The following GPR75 variants were observed in gnomAD, a reference collection of about 807,000 sequenced individuals.
GPR75 encodes probable G protein-coupled receptor 75.
A neutral mutation model predicts 26.0 loss-of-function variants in GPR75; 27 were observed. The ratio of observed to expected loss-of-function variants is 1.04; its 90% CI spans 0.77 to 1.43. The LOEUF is 1.43. Among genes scored for constraint, GPR75 ranks in the 40% most tolerant of loss-of-function variants. GPR75 has a pLI of 0.00. For synonymous variants in GPR75, 285 were observed against 256.3 expected (o/e 1.11, Z -1.07); for missense variants, 699 against 662.3 (o/e 1.06, Z -0.61).
intron 1 of GPR75, among the ~76,000 whole-genome samples, chr2:53,857,208 C>G (rs1678254872): frequency 6.6e-6 from 1 of 151,346 alleles, no homozygotes; most frequent in Admixed American, 6.6e-5. Flanking sequence ...ACCTCATGAT[C>G]CACCCGCCTC....
Position 53,853,291 on chromosome 2 carries a change from C to T in GPR75, c.1466G>A (p.Ser489Asn). 6.2e-7 allele frequency: 1 copy of T among 1,614,176 alleles called. No homozygotes were observed. The highest frequency in any genetic ancestry group is 1.7e-5 in the Admixed American group (1 of 60,026). ...TGGGCTGCTCTCCTCCTGGGAAGGG[C>T]TGCTGTTATAGATGCTGTAGTAAGG... ...IEPYYSIYNSSPSQEESSPCN... is the reference protein window; with the variant it reads ...IEPYYSIYNSNPSQEESSPCN... The change falls in exon 2 of 2, where the codon AGC becomes AAC. Residue 489 changes from serine (S) to asparagine (N), a missense_variant. Transcript: ENST00000394705.
chr2:53,853,725 C>T lies in GPR75; in HGVS notation c.1032G>A (p.Val344=). 1 of 1,613,940 alleles carries T rather than the reference C, an allele frequency of 6.2e-7. No individual in the cohort carries two copies. The highest frequency in any genetic ancestry group is 8.5e-7 in the Non-Finnish European group (1 of 1,179,858). The change falls in exon 2 of 2, where the codon GTG becomes GTA. Residue 344 remains valine, a synonymous_variant. Coordinates refer to ENST00000394705, the MANE Select transcript of GPR75 (RefSeq NM_006794.4). The part of the protein sequence containing the change: ...CLPLGISLVQ[V]VLSSNGSFIL... The stretch of plus-strand genomic sequence containing the variant: ...TGAAGCTCCCATTGCTGGAGAGAAC[C>T]ACCTGTACCAAGGAAATCCCCAGTG...
chr2:53,853,807 G>A lies in GPR75; in HGVS notation c.950C>T (p.Ser317Phe), dbSNP rs764930732. 12 of 1,614,092 alleles carry A rather than the reference G, an allele frequency of 7.4e-6. No homozygotes were observed. The highest frequency in any genetic ancestry group is 2.7e-5 in the African/African-American group (2 of 74,942). The change falls in exon 2 of 2, where the codon TCC becomes TTC. Residue 317 changes from serine (S) to phenylalanine (F), a missense_variant. Physicochemically the swap from Ser to Phe is radical, Grantham distance 155. Coordinates refer to ENST00000394705, the MANE Select transcript of GPR75 (RefSeq NM_006794.4). ...SAINLSTAKD[S>F]KAVVTCVIIV... Reference sequence around the variant, plus strand: ...GATCACACAGGTGACCACGGCTTTGGAATCCTTGGCAGTGGAGAGGTTGAT... The same window carrying A: ...GATCACACAGGTGACCACGGCTTTGAAATCCTTGGCAGTGGAGAGGTTGAT...
In GPR75 at chr2:53,853,986, C is replaced by A. The variant is rs979900676; in HGVS notation, c.771G>T (p.Val257=). The A allele has an allele frequency of 1.9e-6, 3 of 1,614,012 alleles. No individual in the cohort carries two copies. The highest frequency in any genetic ancestry group is 2.5e-6 in the Non-Finnish European group (3 of 1,180,000). ...ACTGGATGGGATCTCCACCTCCCTG[C>A]ACAGGGACCCCCATGAAAGGCTGTG... ...SRPQPFMGVP[V]QGGGDPIQCA... The change falls in exon 2 of 2, where the codon GTG becomes GTT. Residue 257 remains valine (V), a synonymous_variant. Transcript: ENST00000394705.
rs758397852 is a variant in GPR75, at chr2:53,854,762, G to A, written c.-6C>T. ...AGGTGGCCTGTTGAGTTCATTTTCG[G>A]AGAGAAATGTCTCCTTCTTCTGCTC... is the stretch of plus-strand genomic sequence containing the variant. On this transcript the variant is annotated 5_prime_UTR_variant, in exon 2 of 2. Coordinates refer to ENST00000394705, the MANE Select transcript of GPR75 (RefSeq NM_006794.4). 1 of 1,606,460 alleles carries A rather than the reference G, an allele frequency of 6.2e-7. No homozygotes were observed. The highest frequency in any genetic ancestry group is 8.5e-7 in the Non-Finnish European group (1 of 1,175,052).
rs1678167765 is a variant in GPR75 at position 53,854,262 on chromosome 2, G to A, written c.495C>T (p.Thr165=). Residue 165 remains threonine (T), a synonymous_variant, in exon 2 of 2, where the codon ACC becomes ACT. Transcript: ENST00000394705. The part of the protein sequence containing the change: ...TASFPCTVLL[T]LLLWATSFTL... Reference sequence around the variant, plus strand: ...TGAAACTGGTGGCCCAGAGAAGCAGGGTGAGGAGTACGGTGCAGGGAAAGG... The same window carrying A: ...TGAAACTGGTGGCCCAGAGAAGCAGAGTGAGGAGTACGGTGCAGGGAAAGG... The A allele has an allele frequency of 5.0e-6, 8 of 1,614,120 alleles. No homozygotes were observed. Among genetic ancestry groups the A allele is most frequent in the Non-Finnish European group, 5.1e-6 (6 of 1,180,034 alleles).
In GPR75 at chr2:53,853,391, C is replaced by T. The variant is rs1678140684; in HGVS notation, c.1366G>A (p.Val456Met). The T allele has an allele frequency of 1.2e-6, 2 of 1,614,034 alleles. No homozygotes were observed. The highest frequency in any genetic ancestry group is 2.2e-5 in the South Asian group (2 of 91,088). ...TGTCCAGCAGAGATCTTGGGACTCA[C>T]CATACTTTCTTTTGAATGACTTGGG... Reference protein sequence around the residue: ...CGPSHSKESMVSPKISAGHQH... With the variant: ...CGPSHSKESMMSPKISAGHQH... The change falls in exon 2 of 2, where the codon GTG becomes ATG. Residue 456 changes from valine (V) to methionine (M), a missense_variant. Coordinates refer to ENST00000394705, the MANE Select transcript of GPR75 (RefSeq NM_006794.4).
rs531671470 is a variant in GPR75, at chr2:53,858,194, T to TG, written c.-110+1633dup. Among the ~76,000 whole-genome samples the TG allele has an allele frequency of 2.7e-3, 409 of 152,306 alleles. 1 individual carries two copies. Among genetic ancestry groups the TG allele is most frequent in the African/African-American group, 9.6e-3 (397 of 41,556 alleles). ...AACCCGAACAACAAAAAAACCTTTT[T>TG]GGGAGGCATCCCCAGGTCAGAAGTA... On this transcript the variant is annotated intron_variant, in intron 1 of 1. Coordinates refer to ENST00000394705, the MANE Select transcript of GPR75 (RefSeq NM_006794.4).
In GPR75 at chr2:53,853,473, G is replaced by A. The variant is rs1678143407; in HGVS notation, c.1284C>T (p.Asn428=). 5.6e-6 allele frequency: 9 copies of A among 1,614,100 alleles called. No homozygotes were observed. The East Asian group carries it at 2.0e-4, about 36-fold the overall frequency. ...NRNKSSHHET[N]SAYMLSPKPQ... ...GCTTTGGAGATAACATGTAGGCAGA[G>A]TTTGTTTCATGATGGGAGGATTTGT... Residue 428 remains asparagine (N), a synonymous_variant, in exon 2 of 2, where the codon AAC becomes AAT. Transcript: ENST00000394705.
At chr2:53,857,277 A>G (rs1035061000) in intron 1 of GPR75, among the ~76,000 whole-genome samples, 1 of 152,076 alleles carries the variant, frequency 6.6e-6, no homozygotes, top group Admixed American at 6.5e-5. Flanking sequence ...GAGAAAGACA[A>G]TTTTTTACTG....
intron 1 of GPR75, 40 bp from the exon 2 acceptor site, chr2:53,854,905 A>T (rs1678188173): frequency 1.6e-6 from 1 of 625,534 alleles, no homozygotes; most frequent in Non-Finnish European, 2.8e-6. Context: ...GAAAGGGATT[A>T]ATGTAGAAAC....
rs771582620 is a variant in GPR75 at position 53,854,273 on chromosome 2, C to A, written c.484G>T (p.Val162Leu). The change falls in exon 2 of 2, where the codon GTA becomes TTA. Residue 162 changes from valine (V) to leucine (L), a missense_variant. Coordinates refer to ENST00000394705, the MANE Select transcript of GPR75 (RefSeq NM_006794.4). ...PNRTASFPCT[V>L]LLTLLLWATS... ...GCCCAGAGAAGCAGGGTGAGGAGTA[C>A]GGTGCAGGGAAAGGAGGCCGTGCGA... is the stretch of plus-strand genomic sequence containing the variant. The A allele has an allele frequency of 6.2e-6, 10 of 1,613,970 alleles. No individual in the cohort carries two copies. The South Asian group carries it at 9.9e-5, about 16-fold the overall frequency.
At position 53,853,070 on chromosome 2, in the gene GPR75, G is replaced by A. The variant is rs1355506518; in HGVS notation, c.*64C>T. The A allele has an allele frequency of 1.7e-6, 2 of 1,210,622 alleles. No homozygotes were observed. The highest frequency in any genetic ancestry group is 3.0e-5 in the African/African-American group (2 of 66,262). The allele number at this position is 1,210,622 out of a possible 1,614,324, so 75.0% of individuals were successfully genotyped here. On this transcript the variant is annotated 3_prime_UTR_variant, in exon 2 of 2. Transcript: ENST00000394705. The stretch of plus-strand genomic sequence containing the variant: ...TTGATCCGCCACTGATCTCAAGTTA[G>A]AATAAAGTCCATTACTATCAGAAAC...
Position 53,853,203 on chromosome 2 carries a change from G to A in GPR75, c.1554C>T (p.His518=). ...FANSYIAMHY[H]TTNDLVQEYD... ...ATTCCTGCACTAAGTCATTAGTGGT[G>A]TGATAATGCATGGCAATATATGAAT... Residue 518 remains histidine (H), a synonymous_variant, in exon 2 of 2, where the codon CAC becomes CAT. Coordinates refer to ENST00000394705, the MANE Select transcript of GPR75 (RefSeq NM_006794.4). 5 of 1,613,566 alleles carry A rather than the reference G, an allele frequency of 3.1e-6. No individual in the cohort carries two copies. Among genetic ancestry groups the A allele is most frequent in the South Asian group, 1.1e-5 (1 of 91,078 alleles).
intron 1 of GPR75, among the ~76,000 whole-genome samples, chr2:53,858,684 A>G (rs1031402619): frequency 1.3e-5 from 2 of 152,244 alleles, no homozygotes; most frequent in Admixed American, 6.5e-5. Flanking sequence ...GGCTGTGACC[A>G]TAATTTGGAA....
chr2:53,856,609 G>C (rs1678232388), intron 1 of GPR75, among the ~76,000 whole-genome samples: 1 of 152,188 alleles, frequency 6.6e-6, no homozygotes, highest in Non-Finnish European at 1.5e-5. Context: ...TTTAACAACA[G>C]ATACAGCCAT....
Position 53,853,162 on chromosome 2 carries a change from G to A in GPR75, c.1595C>T (p.Ala532Val). The change falls in exon 2 of 2, where the codon GCC (alanine) becomes GTC (valine). Residue 532 changes from alanine to valine, a missense_variant. Physicochemically the swap from Ala to Val is moderately conservative, Grantham distance 64 (BLOSUM62 0). Coordinates refer to ENST00000394705, the MANE Select transcript of GPR75 (RefSeq NM_006794.4). Reference protein sequence around the residue: ...DLVQEYDSTSAKQIPVPSV With the variant: ...DLVQEYDSTSVKQIPVPSV ...AACGGAGGGGACTGGAATCTGCTTG[G>A]CTGAAGTGCTGTCATATTCCTGCAC... 6.2e-6 allele frequency: 10 copies of A among 1,613,714 alleles called. No homozygotes were observed. Among genetic ancestry groups the A allele is most frequent in the East Asian group, 2.2e-5 (1 of 44,884 alleles).
intron 1 of GPR75, among the ~76,000 whole-genome samples, chr2:53,858,433 A>ACG (rs1222972677): frequency 2.0e-5 from 3 of 151,562 alleles, no homozygotes; most frequent in Non-Finnish European, 4.4e-5. Context: ...ACACACACAC[A>ACG]CACACACACA....
At position 53,853,676 on chromosome 2, in the gene GPR75, C is replaced by A; in HGVS notation, c.1081G>T (p.Gly361Ter). 1 of 1,613,598 alleles carries A rather than the reference C, an allele frequency of 6.2e-7. No individual in the cohort carries two copies. The highest frequency in any genetic ancestry group is 1.1e-5 in the South Asian group (1 of 91,066). The stretch of plus-strand genomic sequence containing the variant: ...GACTTGAAAAATATAAGAGTAAATC[C>A]AAACAATTCAAACTGGTAAAGAATG... ...SFILYQFELF[G>*]FTLIFFKSGL... The change falls in exon 2 of 2, where the codon GGA (glycine) becomes TGA (stop). Residue 361 changes from glycine (G) to a stop codon, truncating the protein, a stop_gained. Transcript: ENST00000394705. LOFTEE classifies it high-confidence loss of function.
Sources: gnomAD v4.1 joint callset for allele counts (sites outside exome capture counted in the v4.1 genomes callset) on GRCh38, gnomAD v4.1.1 for gene constraint, MANE v1.5 for transcripts, NCBI Gene and HGNC (gene_info 2026-07-23, HGNC 2026-07-21) for gene names.